Variants in AUTS2 observed in about 807,000 individuals in gnomAD.
The protein encoded by AUTS2 is autism susceptibility gene 2 protein.
AUTS2 carries 17 observed loss-of-function variants against 112.4 expected under a neutral mutation model. That is an observed-to-expected ratio of 0.15 (90% CI 0.10 to 0.23). AUTS2 has a LOEUF of 0.23. AUTS2 is among the 10% of genes least tolerant of loss of function. The pLI is 1.00. For synonymous variants in AUTS2, 751 were observed against 702.7 expected, an observed-to-expected ratio of 1.07 and a Z score of -1.09; for missense variants, 1,510 against 1,701.6, an observed-to-expected ratio of 0.89 and a Z score of 1.98.
intron 4 of AUTS2, among the ~76,000 whole-genome samples, chr7:70,376,961 A>G (rs887744550): frequency 6.6e-6 from 1 of 151,840 alleles, no homozygotes; most frequent in Non-Finnish European, 1.5e-5. Flanking sequence ...GACCCAAGAC[A>G]TCTGGCCTAT....
chr7:70,680,906 A>G (rs1808174007), intron 5 of AUTS2, among the ~76,000 whole-genome samples: 1 of 152,224 alleles, frequency 6.6e-6, no homozygotes, highest in East Asian at 1.9e-4. Flanking sequence ...AAGCCTGGCT[A>G]CAATTTTCCT....
At chr7:70,371,372 T>G (rs763798025) in intron 4 of AUTS2, among the ~76,000 whole-genome samples, 1 of 152,214 alleles carries the variant, frequency 6.6e-6, no homozygotes, top group Admixed American at 6.5e-5. Flanking sequence ...ATTGATTGCA[T>G]GCACTGATCA....
intron 1 of AUTS2, among the ~76,000 whole-genome samples, chr7:69,661,583 C>T (rs560660052): frequency 1.3e-5 from 2 of 152,152 alleles, no homozygotes; most frequent in African/African-American, 4.8e-5. Flanking sequence ...TGGTGTGATC[C>T]TTTTCTTTTT....
chr7:69,675,958 C>T (rs929823306), intron 1 of AUTS2, among the ~76,000 whole-genome samples: 1 of 152,122 alleles, frequency 6.6e-6, no homozygotes, highest in Non-Finnish European at 1.5e-5. Context: ...TATATATTGG[C>T]AGATCATCCA....
At chr7:70,668,342 T>TCC (rs1377354184) in intron 5 of AUTS2, among the ~76,000 whole-genome samples, 1 of 152,158 alleles carries the variant, frequency 6.6e-6, no homozygotes, top group African/African-American at 2.4e-5. Flanking sequence ...GACCACATCT[T>TCC]TGAGTGGCAA....
chr7:70,155,157 T>C (rs752571315), intron 4 of AUTS2, among the ~76,000 whole-genome samples: 2 of 152,180 alleles, frequency 1.3e-5, no homozygotes, highest in Non-Finnish European at 2.9e-5. Flanking sequence ...GTTGCTCATT[T>C]AGAGTGGTCT....
intron 5 of AUTS2, among the ~76,000 whole-genome samples, chr7:70,638,382 C>A (rs530130530): frequency 2.6e-4 from 40 of 152,092 alleles, no homozygotes; most frequent in Non-Finnish European, 4.6e-4. Context: ...TTCAAAAGTG[C>A]GAGGATTGTA....
intron 4 of AUTS2, among the ~76,000 whole-genome samples, chr7:70,287,268 C>T (rs1017315611): frequency 6.6e-6 from 1 of 152,170 alleles, no homozygotes; most frequent in African/African-American, 2.4e-5. Flanking sequence ...CCTCTTCTTA[C>T]ACCTTCGACT....
chr7:69,720,014 C>T (rs1798835373), intron 1 of AUTS2, among the ~76,000 whole-genome samples: 1 of 152,160 alleles, frequency 6.6e-6, no homozygotes, highest in Non-Finnish European at 1.5e-5. Flanking sequence ...TTAAAAGGAA[C>T]TGACATGCAA....
chr7:69,972,670 C>CGTGT (rs1563005976), intron 2 of AUTS2, among the ~76,000 whole-genome samples: 24 of 111,648 alleles, frequency 2.1e-4, no homozygotes, highest in African/African-American at 8.6e-4. Context: ...TGTGTGCGTG[C>CGTGT]ATGTGTGTGT....
At chr7:70,544,293 T>G (rs1800679612) in intron 5 of AUTS2, among the ~76,000 whole-genome samples, 1 of 152,240 alleles carries the variant, frequency 6.6e-6, no homozygotes, top group Non-Finnish European at 1.5e-5. Flanking sequence ...TTTTCTGCTT[T>G]AGGATTTGGT....
At chr7:69,861,524 A>T (rs1220552030) in intron 1 of AUTS2, among the ~76,000 whole-genome samples, 5 of 152,162 alleles carry the variant, frequency 3.3e-5, no homozygotes, top group Non-Finnish European at 5.9e-5. Flanking sequence ...CCGATAAAGG[A>T]TTATTGAAAA....
intron 5 of AUTS2, among the ~76,000 whole-genome samples, chr7:70,661,649 G>C (rs1807079340): frequency 6.6e-6 from 1 of 152,092 alleles, no homozygotes; most frequent in African/African-American, 2.4e-5. Flanking sequence ...GTGTAGAGCA[G>C]TTAGAACAAA....
Position 70,018,953 on chromosome 7 carries a change from C to A in AUTS2, c.523-99179C>A, listed in dbSNP as rs118102899. Among the ~76,000 whole-genome samples, 339 of 152,234 alleles carry A rather than the reference C, an allele frequency of 2.2e-3. 1 individual carries two copies. The highest frequency in any genetic ancestry group is 3.6e-3 in the Non-Finnish European group (244 of 68,006). ...TATAAATTGTTCTATCATAAAGATACATGTCTGTGTATGTTCATTGCAGTA... is the reference window on the plus strand; with the variant it reads ...TATAAATTGTTCTATCATAAAGATAAATGTCTGTGTATGTTCATTGCAGTA... On this transcript the variant is annotated intron_variant, in intron 2 of 18. Transcript: ENST00000342771.
At chr7:70,393,750 AC>A (rs1265960656) in intron 4 of AUTS2, among the ~76,000 whole-genome samples, 1 of 151,510 alleles carries the variant, frequency 6.6e-6, no homozygotes, top group African/African-American at 2.4e-5. Flanking sequence ...GAAGCCCACC[AC>A]CCCCCTTTCA....
At chr7:69,699,580 G>T (rs529325203) in intron 1 of AUTS2, among the ~76,000 whole-genome samples, 1 of 149,492 alleles carries the variant, frequency 6.7e-6, no homozygotes, top group South Asian at 2.1e-4. Context: ...TACTTAACCT[G>T]TCTGACACTT....
chr7:70,098,274 T>C lies in AUTS2; in HGVS notation c.523-19858T>C, dbSNP rs60330887. ...AGTAGCTCTGGATTATCTATAAAACTTTTACGGCCTTCCCCAAGTGGCAAG... is the reference window on the plus strand; with the variant it reads ...AGTAGCTCTGGATTATCTATAAAACCTTTACGGCCTTCCCCAAGTGGCAAG... On this transcript the variant is annotated intron_variant, in intron 2 of 18. Coordinates refer to ENST00000342771, the MANE Select transcript of AUTS2 (RefSeq NM_015570.4). Among the ~76,000 whole-genome samples the C allele has an allele frequency of 8.5e-5, 13 of 152,306 alleles. No homozygotes were observed. The East Asian group carries it at 2.5e-3, about 29-fold the overall frequency.
intron 5 of AUTS2, among the ~76,000 whole-genome samples, chr7:70,518,553 G>A (rs555342620): frequency 2.0e-5 from 3 of 152,116 alleles, no homozygotes; most frequent in Non-Finnish European, 2.9e-5. Flanking sequence ...GCGTGGTGGC[G>A]GGTGCCTGTA....
At chr7:70,719,423 G>A (rs1030464616) in intron 6 of AUTS2, among the ~76,000 whole-genome samples, 1 of 152,096 alleles carries the variant, frequency 6.6e-6, no homozygotes, top group African/African-American at 2.4e-5. Flanking sequence ...CTCGGAACAA[G>A]CAGGGCTTCC....
Sources: allele counts gnomAD v4.1 joint callset (sites outside exome capture counted in the v4.1 genomes callset), GRCh38; gene constraint gnomAD v4.1.1; transcripts MANE v1.5; gene names NCBI Gene and HGNC (gene_info 2026-07-23, HGNC 2026-07-21).